GDF5: variants seen among roughly 807,000 people sequenced by gnomAD.
GDF5 encodes the protein growth/differentiation factor 5.
Under a neutral mutation model 34.6 loss-of-function variants are expected in GDF5, and 17 were observed. The ratio of observed to expected loss-of-function variants is 0.49; its 90% CI spans 0.34 to 0.74. The LOEUF is 0.74. GDF5 is among the 30% of genes least tolerant of loss of function. The probability of loss-of-function intolerance (pLI) is 0.01; values close to 1 mark genes in which losing one functional copy is unlikely to be tolerated. For missense variants in GDF5, 616 were observed against 661.2 expected, an observed-to-expected ratio of 0.93 and a Z score of 0.75; for synonymous variants, 332 against 290.7, an observed-to-expected ratio of 1.14 and a Z score of -1.44.
Position 35,434,083 on chromosome 20 carries a change from C to T in GDF5, c.1332G>A (p.Thr444=), listed in dbSNP as rs529197082. The change falls in exon 2 of 2, where the codon ACG becomes ACA. Residue 444 remains threonine, a synonymous_variant. Transcript: ENST00000374369. ...TCAGGGTCTGGATGACTGCATGATT[C>T]GTGGGCTCCAGGTGGGAGCGCAATG... ...EFPLRSHLEP[T]NHAVIQTLMN... The T allele has an allele frequency of 3.1e-6, 5 of 1,614,096 alleles. No individual in the cohort carries two copies. Among genetic ancestry groups the T allele is most frequent in the African/African-American group, 2.7e-5 (2 of 75,026 alleles).
intron 1 of GDF5, among the ~76,000 whole-genome samples, chr20:35,436,489 C>A (rs1034933706): frequency 3.9e-5 from 6 of 152,084 alleles, no homozygotes; most frequent in African/African-American, 1.4e-4. Context: ...AAACTGAGGC[C>A]CTGAGAGGGG....
At chr20:35,438,235 G>T (rs1286034026), upstream of GDF5, 1 of 448,028 alleles carries the variant, frequency 2.2e-6, no homozygotes, top group South Asian at 2.3e-5. Context: ...AACTGACTGA[G>T]GGCTTGAAGG....
chr20:35,434,700 G>C lies in GDF5; in HGVS notation c.715C>G (p.Leu239Val). Residue 239 changes from leucine (L) to valine (V), a missense_variant, in exon 2 of 2, where the codon CTG (leucine) becomes GTG (valine). Physicochemically the swap from Leu to Val is conservative, Grantham distance 32. Transcript: ENST00000374369. ...LEKDGLLGAE[L>V]RILRKKPSDT... ...GAGGGCTTCTTCCGCAAGATCCGCA[G>C]CTCGGCCCCCAGCAGCCCATCCTTC... The C allele has an allele frequency of 1.9e-6, 3 of 1,612,558 alleles. No individual in the cohort carries two copies. The highest frequency in any genetic ancestry group is 2.5e-6 in the Non-Finnish European group (3 of 1,179,788).
upstream of GDF5, among the ~76,000 whole-genome samples, chr20:35,439,908 CTTTTTTTTTT>C (rs34397706): frequency 4.2e-5 from 3 of 71,634 alleles, no homozygotes; most frequent in African/African-American, 1.1e-4. Context: ...AGGCTTCCTT[CTTTTTTTTTT>C]TTTTTTTTTT....
Position 35,434,534 on chromosome 20 carries a change from A to G in GDF5, c.881T>C (p.Phe294Ser). 1 of 1,601,776 alleles carries G rather than the reference A, an allele frequency of 6.2e-7. No individual in the cohort carries two copies. Among genetic ancestry groups the G allele is most frequent in the Non-Finnish European group, 8.5e-7 (1 of 1,173,242 alleles). ...GTTTCGGAAGAGCTTCCAGATGTCG[A>G]ACACCTCCCAGCCAGATCCGTCCAG... ...PGLDGSGWEV[F>S]DIWKLFRNFK... Residue 294 changes from phenylalanine to serine, a missense_variant, in exon 2 of 2, where the codon TTC becomes TCC. By Grantham distance (155) the Phe-to-Ser change is radical. Transcript: ENST00000374369.
chr20:35,443,962 C>T (rs977241281), intron 1 of GDF5, among the ~76,000 whole-genome samples: 3 of 152,092 alleles, frequency 2.0e-5, no homozygotes, highest in African/African-American at 7.2e-5. Context: ...GAGATCTCTC[C>T]GGGAGTCAGT....
At chr20:35,447,281 C>T (rs1385780977) in intron 1 of GDF5, among the ~76,000 whole-genome samples, 1 of 151,962 alleles carries the variant, frequency 6.6e-6, no homozygotes, top group African/African-American at 2.4e-5. Flanking sequence ...TCAATTCCCG[C>T]GTGTTCTCAC....
At chr20:35,442,178 G>A (rs752788422), upstream of GDF5, among the ~76,000 whole-genome samples, 11 of 151,998 alleles carry the variant, frequency 7.2e-5, no homozygotes, top group Non-Finnish European at 4.4e-5. Context: ...ATGGAGCCTC[G>A]CTCTCTCACC....
In GDF5 at chr20:35,434,492, T is replaced by C; in HGVS notation, c.923A>G (p.Gln308Arg). Residue 308 changes from glutamine to arginine, a missense_variant, in exon 2 of 2, where the codon CAG becomes CGG. Coordinates refer to ENST00000374369, the MANE Select transcript of GDF5 (RefSeq NM_000557.5). ...KLFRNFKNSA[Q>R]LCLELEAWER... ...CCAGGCCTCCAGCTCCAGGCACAGC[T>C]GGGCCGAGTTCTTAAAGTTTCGGAA... 6.2e-7 allele frequency: 1 copy of C among 1,610,000 alleles called. No individual in the cohort carries two copies. The highest frequency in any genetic ancestry group is 8.5e-7 in the Non-Finnish European group (1 of 1,177,902).
chr20:35,453,876 G>A, intron 1 of GDF5: 1 of 533,782 alleles, frequency 1.9e-6, no homozygotes, highest in Non-Finnish European at 3.9e-6. Flanking sequence ...CAGGCCTTGT[G>A]CTGAGCGCTA....
Position 35,437,548 on chromosome 20 carries a change from C to T in GDF5, c.381G>A (p.Gln127=), listed in dbSNP as rs2062478435. The T allele has an allele frequency of 6.2e-7, 1 of 1,614,076 alleles. No individual in the cohort carries two copies. Among genetic ancestry groups the T allele is most frequent in the Admixed American group, 1.7e-5 (1 of 60,006 alleles). ...TTGGGGGTGCCTTGCCTCCGGGAAG[C>T]TGTCCTTTTGGGGTCACAGTCCGGG... is the stretch of plus-strand genomic sequence containing the variant. ...ATARTVTPKG[Q]LPGGKAPPKA... The change falls in exon 1 of 2, where the codon CAG becomes CAA. Residue 127 remains glutamine (Q), a synonymous_variant. Coordinates refer to ENST00000374369, the MANE Select transcript of GDF5 (RefSeq NM_000557.5).
chr20:35,438,380 A>ACACACACACACG (rs2062484772), upstream of GDF5: 1 of 189,754 alleles, frequency 5.3e-6, no homozygotes. Flanking sequence ...ACACACACAC[A>ACACACACACACG]CACACACACA....
At position 35,437,407 on chromosome 20, in the gene GDF5, G is replaced by A. The variant is rs777749912; in HGVS notation, c.522C>T (p.Leu174=). The change falls in exon 1 of 2, where the codon CTC becomes CTT. Residue 174 remains leucine, a synonymous_variant. Transcript: ENST00000374369. ...PPPITPHEYM[L]SLYRTLSDAD... is the part of the protein sequence containing the mutation. ...CATCGGACAGCGTCCTGTACAGCGAGAGCATGTACTCGTGGGGTGTGATGG... is the reference window on the plus strand; with the variant it reads ...CATCGGACAGCGTCCTGTACAGCGAAAGCATGTACTCGTGGGGTGTGATGG... The A allele has an allele frequency of 1.9e-6, 3 of 1,613,312 alleles. No individual in the cohort carries two copies. The highest frequency in any genetic ancestry group is 2.5e-6 in the Non-Finnish European group (3 of 1,179,246).
At position 35,434,641 on chromosome 20, in the gene GDF5, C is replaced by G; in HGVS notation, c.774G>C (p.Gly258=). The change falls in exon 2 of 2, where the codon GGG becomes GGC. Residue 258 remains glycine, a synonymous_variant. Coordinates refer to ENST00000374369, the MANE Select transcript of GDF5 (RefSeq NM_000557.5). ...TGGACAGCTTCAGCTGGGCAGCCCG[C>G]CCGCCTCCGGGGGCCGCTGGCTTGG... ...DTAKPAAPGG[G]RAAQLKLSSC... The G allele has an allele frequency of 1.2e-6, 2 of 1,608,488 alleles. No homozygotes were observed. The highest frequency in any genetic ancestry group is 1.1e-5 in the South Asian group (1 of 90,876).
intron 1 of GDF5, among the ~76,000 whole-genome samples, chr20:35,444,010 A>C (rs1256464944): frequency 2.6e-5 from 4 of 152,130 alleles, no homozygotes; most frequent in Non-Finnish European, 4.4e-5. Flanking sequence ...AGGCGCTGGG[A>C]CCAGACAATG....
chr20:35,441,987 C>A (rs913112702), upstream of GDF5, among the ~76,000 whole-genome samples: 3 of 152,010 alleles, frequency 2.0e-5, no homozygotes, highest in African/African-American at 7.3e-5. Flanking sequence ...ACTACAGGTG[C>A]ACATCACGAT....
upstream of GDF5, among the ~76,000 whole-genome samples, chr20:35,438,783 G>A (rs1321099098): frequency 1.3e-5 from 2 of 150,870 alleles, no homozygotes; most frequent in Non-Finnish European, 2.9e-5. Flanking sequence ...TTTTAAAGCA[G>A]TTTCAACTCC....
intron 1 of GDF5, among the ~76,000 whole-genome samples, chr20:35,453,353 C>G (rs888739496): frequency 1.3e-5 from 2 of 152,170 alleles, no homozygotes; most frequent in African/African-American, 4.8e-5. Context: ...AAGCTGGGAC[C>G]TGAAGGACAG....
At chr20:35,435,213 G>A (rs775113148) in intron 1 of GDF5, 16 of 363,990 alleles carry the variant, frequency 4.4e-5, no homozygotes, top group Non-Finnish European at 8.3e-5. Flanking sequence ...CACTTTGGGA[G>A]GCTGAGGTGG....
Sources: gnomAD v4.1 joint callset for allele counts (sites outside exome capture counted in the v4.1 genomes callset) on GRCh38, gnomAD v4.1.1 for gene constraint, MANE v1.5 for transcripts, NCBI Gene and HGNC (gene_info 2026-07-23, HGNC 2026-07-21) for gene names.